The following FGGY variants were observed in gnomAD, a reference collection of about 807,000 sequenced individuals.
The protein encoded by FGGY is FGGY carbohydrate kinase domain containing, also known as FGGY carbohydrate kinase domain-containing protein.
A neutral mutation model predicts 71.3 loss-of-function variants in FGGY; 72 were observed. That is an observed-to-expected ratio of 1.01 (90% CI 0.84 to 1.23). The LOEUF (loss-of-function observed/expected upper bound fraction) is 1.23, where lower values mean the gene tolerates loss of function less well. FGGY is among the 50% of genes most tolerant of loss of function. FGGY has a pLI of 0.00. For missense variants in FGGY, 668 were observed against 682.3 expected (o/e 0.98, Z 0.23); for synonymous variants, 251 against 250.3 (o/e 1.00, Z -0.02).
At chr1:59,463,518 C>A (rs2092401773) in intron 6 of FGGY, among the ~76,000 whole-genome samples, 1 of 152,040 alleles carries the variant, frequency 6.6e-6, no homozygotes. Flanking sequence ...ACAATATTAA[C>A]CTTAAATTTA....
intron 14 of FGGY, among the ~76,000 whole-genome samples, chr1:59,749,132 G>C (rs961634895): frequency 1.3e-5 from 2 of 152,132 alleles, no homozygotes; most frequent in Non-Finnish European, 2.9e-5. Flanking sequence ...CTGCACCACT[G>C]CACCTCCCTC....
chr1:59,633,437 C>T (rs2096927281), intron 10 of FGGY, among the ~76,000 whole-genome samples: 1 of 152,150 alleles, frequency 6.6e-6, no homozygotes. Context: ...TTTCTACCTC[C>T]CAACTGGTTA....
rs115612987 is a variant in FGGY at position 59,496,526 on chromosome 1, A to G, written c.671-15785A>G. Among the ~76,000 whole-genome samples, 713 of 152,248 alleles carry G rather than the reference A, an allele frequency of 4.7e-3. 5 individuals carry two copies. Among genetic ancestry groups the G allele is most frequent in the African/African-American group, 0.016 (648 of 41,548 alleles). On this transcript the variant is annotated intron_variant, in intron 6 of 15. Coordinates refer to ENST00000303721, the MANE Select transcript of FGGY (RefSeq NM_018291.5). ...GAACAGTAGACACTGGGGCCTACTT[A>G]AGGGTAGAGGTTGGGAAGAGGGTGA...
chr1:59,403,720 G>C (rs1046829705), intron 5 of FGGY, among the ~76,000 whole-genome samples: 3 of 152,216 alleles, frequency 2.0e-5, no homozygotes. Flanking sequence ...AGCATTTAGA[G>C]AAGAGAACAC....
chr1:59,325,356 C>CCAACAACAA (rs563370217), intron 2 of FGGY, among the ~76,000 whole-genome samples: 105 of 128,806 alleles, frequency 8.2e-4, no homozygotes, highest in African/African-American at 3.1e-3. Context: ...GACTCCGTGT[C>CCAACAACAA]CAACAACAGC....
chr1:59,723,595 T>C (rs1428693990), intron 14 of FGGY, among the ~76,000 whole-genome samples: 3 of 151,976 alleles, frequency 2.0e-5, no homozygotes, highest in Non-Finnish European at 4.4e-5. Flanking sequence ...TTTTTATCTT[T>C]AGTTTTTCAG....
At chr1:59,382,043 T>A (rs1245441321) in intron 5 of FGGY, among the ~76,000 whole-genome samples, 2 of 152,166 alleles carry the variant, frequency 1.3e-5, no homozygotes, top group African/African-American at 4.8e-5. Context: ...GCAGGTCTTC[T>A]CATCTTGAAA....
chr1:59,442,678 T>C (rs963109581), intron 5 of FGGY, among the ~76,000 whole-genome samples: 2 of 152,176 alleles, frequency 1.3e-5, no homozygotes, highest in Non-Finnish European at 2.9e-5. Context: ...GAGTAGGCCG[T>C]TCCTTGGGTG....
chr1:59,356,107 G>T (rs1388748524), intron 4 of FGGY, among the ~76,000 whole-genome samples: 1 of 152,032 alleles, frequency 6.6e-6, no homozygotes, highest in East Asian at 1.9e-4. Context: ...GAAGGGGTCG[G>T]CATTCTTCAT....
At chr1:59,616,748 A>G (rs537617518) in intron 9 of FGGY, among the ~76,000 whole-genome samples, 1 of 152,240 alleles carries the variant, frequency 6.6e-6, no homozygotes, top group South Asian at 2.1e-4. Flanking sequence ...TTTGAATGAT[A>G]GTCATAATTA....
chr1:59,458,974 A>C (rs2091955815), intron 6 of FGGY, among the ~76,000 whole-genome samples: 1 of 152,228 alleles, frequency 6.6e-6, no homozygotes, highest in Non-Finnish European at 1.5e-5. Context: ...ATGAAGTGTT[A>C]AACATTTCCA....
Position 59,373,749 on chromosome 1 carries a change from G to A in FGGY, c.466-5000G>A, listed in dbSNP as rs545822783. On this transcript the variant is annotated intron_variant, in intron 4 of 15. Transcript: ENST00000303721. ...ACAGAACAGAGCCCTCAGAAATAACGCCGCATATCTACAACTATCTGATCT... is the reference window on the plus strand; with the variant it reads ...ACAGAACAGAGCCCTCAGAAATAACACCGCATATCTACAACTATCTGATCT... Among the ~76,000 whole-genome samples the A allele has an allele frequency of 4.8e-4, 73 of 152,058 alleles. 1 individual carries two copies. In the East Asian group the frequency reaches 8.9e-3, roughly 19 times the overall value.
chr1:59,543,393 A>G (rs1052129926), intron 7 of FGGY, among the ~76,000 whole-genome samples: 12 of 142,676 alleles, frequency 8.4e-5, no homozygotes, highest in African/African-American at 3.5e-4. Context: ...TTCAGAATCT[A>G]TTTGTCTTTT....
chr1:59,389,804 T>C (rs961126140), intron 5 of FGGY, among the ~76,000 whole-genome samples: 1 of 152,210 alleles, frequency 6.6e-6, no homozygotes, highest in African/African-American at 2.4e-5. Flanking sequence ...TAGTCTCTTA[T>C]TGTGGTTTAA....
intron 6 of FGGY, among the ~76,000 whole-genome samples, chr1:59,457,858 C>G (rs1264639624): frequency 2.0e-5 from 3 of 152,114 alleles, no homozygotes; most frequent in African/African-American, 7.2e-5. Context: ...TAACTAAGGC[C>G]TTAGGGTCTC....
intron 9 of FGGY, among the ~76,000 whole-genome samples, chr1:59,615,105 C>G (rs1202522319): frequency 2.0e-5 from 3 of 152,170 alleles, no homozygotes; most frequent in Non-Finnish European, 4.4e-5. Context: ...ATGCCATCCC[C>G]ATCAAGCTAC....
chr1:59,396,889 G>A (rs910925985), intron 5 of FGGY, among the ~76,000 whole-genome samples: 4 of 152,210 alleles, frequency 2.6e-5, no homozygotes, highest in Non-Finnish European at 5.9e-5. Context: ...ACCAGTGAGT[G>A]TTCTAAGAAA....
At chr1:59,618,071 T>C (rs2153831995) in intron 9 of FGGY, among the ~76,000 whole-genome samples, 1 of 152,246 alleles carries the variant, frequency 6.6e-6, no homozygotes, top group Middle Eastern at 3.4e-3. Flanking sequence ...TCCATCGCGT[T>C]ACAGAGATTT....
chr1:59,641,894 A>G (rs574223721), intron 11 of FGGY, among the ~76,000 whole-genome samples: 1 of 152,300 alleles, frequency 6.6e-6, no homozygotes, highest in South Asian at 2.1e-4. Flanking sequence ...GGTTCTTTTA[A>G]ACCTGAAAAC....
Sources: gnomAD v4.1 joint callset for allele counts (sites outside exome capture counted in the v4.1 genomes callset) on GRCh38, gnomAD v4.1.1 for gene constraint, MANE v1.5 for transcripts, NCBI Gene and HGNC (gene_info 2026-07-23, HGNC 2026-07-21) for gene names.